LPP: variants seen among roughly 807,000 people sequenced by gnomAD.
LPP encodes lipoma-preferred partner.
A neutral mutation model predicts 60.4 loss-of-function variants in LPP; 38 were observed. That is an observed-to-expected ratio of 0.63 (90% confidence interval 0.49 to 0.83). LPP has a LOEUF of 0.83. Among genes scored for constraint, LPP ranks in the 40% least tolerant of loss-of-function variants. The pLI is 0.00. For synonymous variants in LPP, 328 were observed against 290.8 expected (o/e 1.13, Z -1.30); for missense variants, 902 against 783.6 (o/e 1.15, Z -1.80).
chr3:188,321,412 A>G (rs4277678), intron 2 of LPP, among the ~76,000 whole-genome samples: 15,897 of 152,268 alleles, frequency 0.1, 1,337 homozygotes, highest in East Asian at 0.31. Context: ...TGTGGCTCCT[A>G]TGATAATTCT....
intron 1 of LPP, among the ~76,000 whole-genome samples, chr3:188,176,099 A>ATC (rs1051660629): frequency 6.6e-6 from 1 of 152,142 alleles, no homozygotes; most frequent in African/African-American, 2.4e-5. Context: ...AGCTGGAAGG[A>ATC]TCATAAAGGT....
Position 188,534,395 on chromosome 3 carries a change from A to G in LPP, c.429+9608A>G, listed in dbSNP as rs1391606049. ...TTTCTCTATTTTACAACAGTATCTCAGTGGAAATAATTAGTCCTATGTCTA... is the reference window on the plus strand; with the variant it reads ...TTTCTCTATTTTACAACAGTATCTCGGTGGAAATAATTAGTCCTATGTCTA... On this transcript the variant is annotated intron_variant, in intron 6 of 11. Transcript: ENST00000617246. 3.9e-5 allele frequency among the ~76,000 whole-genome samples: 6 copies of G among 152,354 alleles called. No homozygotes were observed. The East Asian group carries it at 1.2e-3, about 29-fold the overall frequency.
At chr3:188,833,308 G>A (rs561512285) in intron 9 of LPP, among the ~76,000 whole-genome samples, 1 of 152,152 alleles carries the variant, frequency 6.6e-6, no homozygotes, top group African/African-American at 2.4e-5. Context: ...TCTTGCTTCA[G>A]GAATTTGTTT....
intron 3 of LPP, among the ~76,000 whole-genome samples, chr3:188,354,826 C>CAG (rs1767050440): frequency 2.1e-5 from 1 of 48,182 alleles, no homozygotes; most frequent in Non-Finnish European, 4.0e-5. Context: ...TGCGCGCACA[C>CAG]ACACACACAG....
intron 1 of LPP, among the ~76,000 whole-genome samples, chr3:188,184,727 G>C (rs1726071250): frequency 1.3e-5 from 2 of 151,208 alleles, no homozygotes; most frequent in South Asian, 4.2e-4. Flanking sequence ...GAAAGAGCAG[G>C]GGTACATTTT....
chr3:188,268,533 A>T (rs2149765950), intron 2 of LPP, among the ~76,000 whole-genome samples: 1 of 152,320 alleles, frequency 6.6e-6, no homozygotes, highest in South Asian at 2.1e-4. Context: ...TCCTTATTTG[A>T]ATAGGTTTGA....
intron 2 of LPP, among the ~76,000 whole-genome samples, chr3:188,235,115 C>T (rs771170969): frequency 6.6e-6 from 1 of 152,118 alleles, no homozygotes; most frequent in Non-Finnish European, 1.5e-5. Context: ...GAAGAAGGAA[C>T]TGGAAGTGCT....
chr3:188,275,135 G>T (rs1408279082), intron 2 of LPP, among the ~76,000 whole-genome samples: 2 of 152,198 alleles, frequency 1.3e-5, no homozygotes, highest in African/African-American at 4.8e-5. Context: ...CCAAAGGAGA[G>T]ACTGGAATGG....
At chr3:188,730,743 G>C (rs1720149576) in intron 8 of LPP, among the ~76,000 whole-genome samples, 1 of 152,202 alleles carries the variant, frequency 6.6e-6, no homozygotes, top group African/African-American at 2.4e-5. Flanking sequence ...TGTTCAACAT[G>C]AGTCTCATCT....
intron 4 of LPP, among the ~76,000 whole-genome samples, chr3:188,431,915 G>A (rs1481568924): frequency 6.6e-6 from 1 of 152,096 alleles, no homozygotes; most frequent in African/African-American, 2.4e-5. Flanking sequence ...CAGTCTGTAC[G>A]CCCTCAGTAT....
chr3:188,584,358 C>A (rs1236701774), intron 6 of LPP: 1 of 152,056 alleles, frequency 6.6e-6, no homozygotes, highest in Non-Finnish European at 1.5e-5. Flanking sequence ...TTTACACTTG[C>A]AGGCTGTTAT....
intron 2 of LPP, among the ~76,000 whole-genome samples, chr3:188,241,228 A>C (rs557371844): frequency 6.6e-6 from 1 of 152,292 alleles, no homozygotes; most frequent in African/African-American, 2.4e-5. Context: ...ACCTGCTGTT[A>C]TCTGCGCAGG....
rs191235853 is a variant in LPP, at chr3:188,793,925, C to T, written c.1410+33643C>T. Among the ~76,000 whole-genome samples, 7 of 147,250 alleles carry T rather than the reference C, an allele frequency of 4.8e-5. No individual in the cohort carries two copies. In the East Asian group the frequency reaches 1.0e-3, roughly 21 times the overall value. ...ACAAGTCCTTGCCTTAGTTTCCCTCCAGCCAGGACTGCCCCACCGAGACTA... is the reference window on the plus strand; with the variant it reads ...ACAAGTCCTTGCCTTAGTTTCCCTCTAGCCAGGACTGCCCCACCGAGACTA... On this transcript the variant is annotated intron_variant, in intron 9 of 11. Transcript: ENST00000617246.
At chr3:188,776,643 G>A (rs975773806) in intron 9 of LPP, among the ~76,000 whole-genome samples, 3 of 152,318 alleles carry the variant, frequency 2.0e-5, no homozygotes, top group African/African-American at 7.2e-5. Flanking sequence ...GAAAAGCCGT[G>A]TTAGTGCTGC....
At chr3:188,371,641 ATTTTTTTTTTTTT>A (rs1158606459) in intron 3 of LPP, among the ~76,000 whole-genome samples, 5 of 32,172 alleles carry the variant, frequency 1.6e-4, no homozygotes, top group African/African-American at 3.7e-4. Flanking sequence ...ATATATATAT[ATTTTTTTTTTTTT>A]TTTTTTTTTT....
chr3:188,571,590 G>A (rs184476520), intron 6 of LPP, among the ~76,000 whole-genome samples: 6 of 152,160 alleles, frequency 3.9e-5, no homozygotes, highest in Non-Finnish European at 7.4e-5. Context: ...GAGTTTGTAA[G>A]TCTTATGCCC....
chr3:188,308,595 C>T (rs1191177539), intron 2 of LPP, among the ~76,000 whole-genome samples: 1 of 152,160 alleles, frequency 6.6e-6, no homozygotes, highest in Non-Finnish European at 1.5e-5. Context: ...GTGGTGCCAT[C>T]AAGTATGCGC....
chr3:188,634,330 G>C (rs1467823369), intron 7 of LPP, among the ~76,000 whole-genome samples: 1 of 152,224 alleles, frequency 6.6e-6, no homozygotes, highest in Non-Finnish European at 1.5e-5. Flanking sequence ...TGATAGGAAT[G>C]GAGGTAGAGA....
chr3:188,261,139 CAAT>C (rs1416235542), intron 2 of LPP, among the ~76,000 whole-genome samples: 2 of 152,080 alleles, frequency 1.3e-5, no homozygotes, highest in Non-Finnish European at 2.9e-5. Context: ...AATAGGAAAA[CAAT>C]AATCTTACTA....
Sources: gnomAD v4.1 joint callset for allele counts (sites outside exome capture counted in the v4.1 genomes callset) on GRCh38, gnomAD v4.1.1 for gene constraint, MANE v1.5 for transcripts, NCBI Gene and HGNC (gene_info 2026-07-23, HGNC 2026-07-21) for gene names.